Variants in NDRG4 observed in about 807,000 individuals in gnomAD.
NDRG4 encodes the protein protein NDRG4.
NDRG4 carries 38 observed loss-of-function variants against 55.8 expected under a neutral mutation model. The observed-to-expected ratio is 0.68, with a 90% CI of 0.53 to 0.89. NDRG4 has a LOEUF of 0.89. NDRG4 is among the 40% of genes least tolerant of loss of function. NDRG4 has a pLI of 0.00. For missense variants in NDRG4, 455 were observed against 468.6 expected, an observed-to-expected ratio of 0.97 and a Z score of 0.27; for synonymous variants, 190 against 182.7, an observed-to-expected ratio of 1.04 and a Z score of -0.32.
chr16:58,495,265 G>A (rs375844023), upstream of NDRG4, among the ~76,000 whole-genome samples: 60 of 152,350 alleles, frequency 3.9e-4, no homozygotes, highest in South Asian at 1.0e-3. Flanking sequence ...TGAAAGGCAG[G>A]TTGACTCTAA....
In NDRG4 at chr16:58,510,619, C is replaced by T. The variant is rs748411593; in HGVS notation, c.866-26C>T. The T allele has an allele frequency of 7.2e-6, 11 of 1,535,312 alleles. No individual in the cohort carries two copies. In the Admixed American group the frequency reaches 1.8e-4, roughly 25 times the overall value. On this transcript the variant is annotated intron_variant, in intron 13 of 14. Transcript: ENST00000570248. ...GTTGTGTCTCCCCCATCCCCGCCCC[C>T]TCTCCGGCTCTGTCTTCTCTCTTAG... is the stretch of plus-strand genomic sequence containing the variant.
Position 58,466,013 on chromosome 16 carries a change from TTTTG to T in NDRG4, c.-24+2228_-24+2231del, listed in dbSNP as rs529141529. Among the ~76,000 whole-genome samples the T allele has an allele frequency of 1.5e-3, 232 of 152,146 alleles. 1 individual carries two copies. The highest frequency in any genetic ancestry group is 5.3e-3 in the African/African-American group (219 of 41,532). ...GGGAAGGCTTGCGGTTCCATGGGTGTTTTGTTTGTTTGTTTTGTTTTGAGATGGA... is the reference window on the plus strand; with the variant it reads ...GGGAAGGCTTGCGGTTCCATGGGTGTTTTGTTTGTTTTGTTTTGAGATGGA... On this transcript the variant is annotated intron_variant, in intron 1 of 15. Transcript: ENST00000258187.
intron 1 of NDRG4, among the ~76,000 whole-genome samples, chr16:58,468,177 T>C (rs76866605): frequency 0.011 from 1,685 of 152,294 alleles, 32 homozygotes; most frequent in African/African-American, 0.038. Context: ...AGATCCAGCA[T>C]GTCTTTTTGT....
At position 58,504,229 on chromosome 16, in the gene NDRG4, T is replaced by G. The variant is rs761895556; in HGVS notation, c.203T>G (p.Val68Gly). 6.2e-7 allele frequency: 1 copy of G among 1,614,200 alleles called. No homozygotes were observed. The highest frequency in any genetic ancestry group is 8.5e-7 in the Non-Finnish European group (1 of 1,180,028). Residue 68 changes from valine (V) to glycine (G), a missense_variant, in exon 3 of 15, where the codon GTG becomes GGG. Coordinates refer to ENST00000570248, the MANE Select transcript of NDRG4 (RefSeq NM_001242835.2). ...EITKHFVVCH[V>G]DAPGQQVGAS... ...ACCAAGCACTTTGTGGTGTGTCACG[T>G]GGATGCCCCTGGACAACAGGTGGGG...
chr16:58,477,838 C>T (rs2033884003), intron 1 of NDRG4, among the ~76,000 whole-genome samples: 1 of 152,120 alleles, frequency 6.6e-6, no homozygotes, highest in African/African-American at 2.4e-5. Context: ...AAAGTATCTT[C>T]CCACACTGCT....
chr16:58,470,175 A>G (rs867522090), intron 1 of NDRG4, among the ~76,000 whole-genome samples: 5 of 152,204 alleles, frequency 3.3e-5, no homozygotes, highest in Admixed American at 1.3e-4. Context: ...AAGAAATTCA[A>G]ATTCTGTTTT....
Position 58,510,086 on chromosome 16 carries a change from A to C in NDRG4, c.866-559A>C, listed in dbSNP as rs74848671. ...TGTTTTTTGTTCCCCTCCAGACTTC[A>C]GCCTCTGGAGCTATCTCCAGGGCAA... is the stretch of plus-strand genomic sequence containing the variant. On this transcript the variant is annotated intron_variant, in intron 13 of 14. Coordinates refer to ENST00000570248, the MANE Select transcript of NDRG4 (RefSeq NM_001242835.2). Among the ~76,000 whole-genome samples the C allele has an allele frequency of 4.0e-3, 603 of 152,244 alleles. 7 individuals carry two copies. The highest frequency in any genetic ancestry group is 0.012 in the East Asian group (60 of 5,166).
upstream of NDRG4, chr16:58,496,910 G>A (rs1453674378): frequency 2.6e-5 from 4 of 152,282 alleles, no homozygotes; most frequent in East Asian, 5.8e-4. Context: ...GAAAATGAGT[G>A]CTCGCCCCAG....
Position 58,502,332 on chromosome 16 carries a change from T to G in NDRG4, c.22-1466T>G, listed in dbSNP as rs142518786. 6.8e-3 allele frequency among the ~76,000 whole-genome samples: 1,028 copies of G among 152,164 alleles called. 6 individuals carry two copies. The highest frequency in any genetic ancestry group is 0.012 in the Admixed American group (181 of 15,290). On this transcript the variant is annotated intron_variant, in intron 1 of 14. Transcript: ENST00000570248. ...GTGGTCTGTCCCCTCTCAGCCCTGG[T>G]GTGGCCTCCTCATCCCCTGGGTGGT...
chr16:58,494,218 C>T lies in NDRG4; in HGVS notation c.73-746C>T, dbSNP rs1022976396. ...AGAACACGCACTAGCCAGACTCAAA[C>T]GGTTCACTGTGAAGTAAGCTCCAGT... On this transcript the variant is annotated intron_variant, in intron 2 of 15. Transcript: ENST00000258187. 5.9e-5 allele frequency among the ~76,000 whole-genome samples: 9 copies of T among 152,152 alleles called. No individual in the cohort carries two copies. In the East Asian group the frequency reaches 9.7e-4, roughly 16 times the overall value.
At chr16:58,506,732 C>G (rs1465055221) in intron 7 of NDRG4, 118 bp downstream of exon 7, 3 of 1,275,278 alleles carry the variant, frequency 2.4e-6, no homozygotes, top group Non-Finnish European at 3.3e-6. Flanking sequence ...AGATGCTAAG[C>G]CATCTGAAAG....
intron 5 of NDRG4, among the ~76,000 whole-genome samples, chr16:58,505,153 T>A (rs11639565): frequency 6.6e-6 from 1 of 151,988 alleles, no homozygotes; most frequent in South Asian, 2.1e-4. Context: ...ATCAAGACCA[T>A]CCTGGCTAAC....
intron 2 of NDRG4, among the ~76,000 whole-genome samples, chr16:58,494,643 T>C (rs1421393204): frequency 1.3e-5 from 2 of 152,052 alleles, no homozygotes; most frequent in Non-Finnish European, 2.9e-5. Flanking sequence ...GGCACTTCGG[T>C]GAGCCCTTGG....
At chr16:58,469,136 A>T (rs1366219453) in intron 1 of NDRG4, among the ~76,000 whole-genome samples, 1 of 152,194 alleles carries the variant, frequency 6.6e-6, no homozygotes, top group Non-Finnish European at 1.5e-5. Flanking sequence ...TCAATTTTAT[A>T]GATGATTTTA....
In NDRG4 at chr16:58,511,758, T is replaced by A. The variant is rs1175761943; in HGVS notation, c.*182T>A. ...TCTCCAGGTGTTTTAAGGGGCTCAG[T>A]CCTCCTCATCCCATCTCACTCTCCG... On this transcript the variant is annotated 3_prime_UTR_variant, in exon 15 of 15. Transcript: ENST00000570248. The A allele has an allele frequency of 4.1e-6, 3 of 740,046 alleles. No homozygotes were observed. In the East Asian group the frequency reaches 8.3e-5, roughly 21 times the overall value. The allele number at this position is 740,046 out of a possible 1,614,324, so 45.8% of individuals were successfully genotyped here. A position where few individuals can be genotyped will look rare whatever the true frequency, so the allele number is the denominator to read the frequency against.
chr16:58,471,186 C>CTT (rs528375397), intron 1 of NDRG4, among the ~76,000 whole-genome samples: 1,050 of 67,054 alleles, frequency 0.016, 172 homozygotes, highest in African/African-American at 0.054. Context: ...ATGTGTGTTG[C>CTT]TTTTTTTTTT....
chr16:58,488,274 C>T (rs990197829), intron 2 of NDRG4, among the ~76,000 whole-genome samples: 10 of 152,174 alleles, frequency 6.6e-5, no homozygotes, highest in African/African-American at 1.4e-4. Context: ...CAAGCCTCTG[C>T]GGCACCTGGG....
intron 14 of NDRG4, 139 bp downstream of exon 14, chr16:58,510,822 C>T: frequency 1.3e-6 from 1 of 783,100 alleles, no homozygotes; most frequent in Non-Finnish European, 2.1e-6. Flanking sequence ...ACTCAGAAAC[C>T]CCACAGATTC....
At position 58,512,201 on chromosome 16, in the gene NDRG4, C is replaced by G. The variant is rs1234079405; in HGVS notation, c.*625C>G. 2.3e-6 allele frequency: 1 copy of G among 430,242 alleles called. No homozygotes were observed. Among genetic ancestry groups the G allele is most frequent in the East Asian group, 7.0e-5 (1 of 14,346 alleles). The allele number at this position is 430,242 out of a possible 1,614,324, so 26.7% of individuals were successfully genotyped here. ...CCCAAGGAAGACAGAACATGGAGAA[C>G]CGTCAGGGCAGGAACCCCACAGACT... On this transcript the variant is annotated 3_prime_UTR_variant, in exon 15 of 15. Transcript: ENST00000570248.
Sources: allele counts gnomAD v4.1 joint callset (sites outside exome capture counted in the v4.1 genomes callset), GRCh38; gene constraint gnomAD v4.1.1; transcripts MANE v1.5; gene names NCBI Gene and HGNC (gene_info 2026-07-23, HGNC 2026-07-21).